AGAP1: variants seen among roughly 807,000 people sequenced by gnomAD.
The protein encoded by AGAP1 is ArfGAP with GTPase domain, ankyrin repeat and PH domain 1, also known as arf-GAP with GTPase, ANK repeat and PH domain-containing protein 1.
Under a neutral mutation model 105.3 loss-of-function variants are expected in AGAP1, and 29 were observed. That is an observed-to-expected ratio of 0.28 (90% CI 0.21 to 0.38). The LOEUF (loss-of-function observed/expected upper bound fraction) is 0.38, where lower values mean the gene tolerates loss of function less well. Ranked by LOEUF, AGAP1 falls within the 10% of genes least tolerant of loss-of-function variation. The pLI, the probability that AGAP1 is intolerant of heterozygous loss-of-function variation, is 1.00. For synonymous variants in AGAP1, 509 were observed against 485.9 expected (o/e 1.05, Z -0.63); for missense variants, 998 against 1,165.1 (o/e 0.86, Z 2.09).
chr2:235,890,087 C>T (rs2050461063), intron 10 of AGAP1, among the ~76,000 whole-genome samples: 1 of 151,708 alleles, frequency 6.6e-6, no homozygotes, highest in Admixed American at 6.6e-5. Context: ...CCCTGCACTT[C>T]CATGCTGTGT....
chr2:235,923,780 C>T (rs2052308903), intron 11 of AGAP1, among the ~76,000 whole-genome samples: 1 of 152,144 alleles, frequency 6.6e-6, no homozygotes, highest in Admixed American at 6.5e-5. Flanking sequence ...AGCAGTGCTG[C>T]TCTGAACATT....
chr2:235,794,640 T>G (rs902538368), intron 6 of AGAP1, among the ~76,000 whole-genome samples: 1 of 152,036 alleles, frequency 6.6e-6, no homozygotes, highest in African/African-American at 2.4e-5. Flanking sequence ...TCCGGCTAAT[T>G]TTTGTATTTT....
chr2:236,087,713 A>C lies in AGAP1; in HGVS notation c.2115-32479A>C, dbSNP rs944033021. On this transcript the variant is annotated intron_variant, in intron 16 of 17. Coordinates refer to ENST00000304032, the MANE Select transcript of AGAP1 (RefSeq NM_001037131.3). This position sits in a 1 kb window ranked among gnomAD's most constrained non-coding sequence, Gnocchi z 5.7. The stretch of plus-strand genomic sequence containing the variant: ...GCCATGTAAGTGGCCTTATTGGTTA[A>C]GTGACAACCGGGGACATACCCATTT... 6.6e-6 allele frequency among the ~76,000 whole-genome samples: 1 copy of C among 152,218 alleles called. No individual in the cohort carries two copies. Among genetic ancestry groups the C allele is most frequent in the Non-Finnish European group, 1.5e-5 (1 of 68,032 alleles).
intron 9 of AGAP1, among the ~76,000 whole-genome samples, chr2:235,852,266 G>A (rs1422444206): frequency 1.3e-5 from 2 of 152,234 alleles, no homozygotes; most frequent in Non-Finnish European, 2.9e-5. Context: ...ATGCAGCAGA[G>A]ACAAGCGAGG....
intron 10 of AGAP1, among the ~76,000 whole-genome samples, chr2:235,892,203 A>G (rs906008550): frequency 4.0e-5 from 6 of 151,768 alleles, no homozygotes; most frequent in African/African-American, 1.5e-4. Context: ...GCATGTGCCC[A>G]CATTAAAACA....
chr2:235,699,950 A>G (rs6748004), intron 1 of AGAP1, among the ~76,000 whole-genome samples: 26,176 of 152,048 alleles, frequency 0.17, 2,721 homozygotes, highest in Admixed American at 0.32. Flanking sequence ...GTGTTGGGGG[A>G]ACGGCCTGTT....
chr2:235,545,691 G>T (rs1273675210), intron 1 of AGAP1, among the ~76,000 whole-genome samples: 1 of 152,032 alleles, frequency 6.6e-6, no homozygotes, highest in Non-Finnish European at 1.5e-5. Context: ...GTGCTCCCCC[G>T]GATTACTTGG....
chr2:235,835,153 G>A (rs182836602), intron 9 of AGAP1, among the ~76,000 whole-genome samples: 5 of 152,290 alleles, frequency 3.3e-5, no homozygotes, highest in South Asian at 2.1e-4. Flanking sequence ...CCGGGCATGC[G>A]TTTCCCACGC....
chr2:235,862,518 G>T lies in AGAP1; in HGVS notation c.1051-20827G>T, dbSNP rs546109897. Among the ~76,000 whole-genome samples, 212 of 152,344 alleles carry T rather than the reference G, an allele frequency of 1.4e-3. 2 individuals are homozygous for T. Among genetic ancestry groups the T allele is most frequent in the African/African-American group, 4.8e-3 (199 of 41,596 alleles). ...GGAGTGCTGTGTTGAGAAGGCTTCGGAGGCTCAGGTGTTGCAGATGCCATC... is the reference window on the plus strand; with the variant it reads ...GGAGTGCTGTGTTGAGAAGGCTTCGTAGGCTCAGGTGTTGCAGATGCCATC... On this transcript the variant is annotated intron_variant, in intron 9 of 17. Transcript: ENST00000304032.
chr2:236,038,223 A>G lies in AGAP1; in HGVS notation c.1800+1508A>G, dbSNP rs150009130. Among the ~76,000 whole-genome samples, 214 of 152,268 alleles carry G rather than the reference A, an allele frequency of 1.4e-3. 1 individual carries two copies. Among genetic ancestry groups the G allele is most frequent in the Middle Eastern group, 0.01 (3 of 294 alleles). On this transcript the variant is annotated intron_variant, in intron 14 of 17. Transcript: ENST00000304032. This position sits in a 1 kb window ranked among gnomAD's most constrained non-coding sequence, Gnocchi z 4.5. ...CACAGGGTGCTTTGGGGCCACCTCA[A>G]TGGGAAGCAACAGCACACAGCATCC... is the stretch of plus-strand genomic sequence containing the variant.
intron 2 of AGAP1, among the ~76,000 whole-genome samples, chr2:235,711,343 G>C (rs932821199): frequency 1.3e-5 from 2 of 152,228 alleles, no homozygotes; most frequent in Non-Finnish European, 2.9e-5. Flanking sequence ...AGGTGTTACA[G>C]GTTCAGAGAG....
chr2:236,006,628 G>A (rs998146250), intron 13 of AGAP1, among the ~76,000 whole-genome samples: 1 of 152,272 alleles, frequency 6.6e-6, no homozygotes, highest in African/African-American at 2.4e-5. Flanking sequence ...TGTTATAAGG[G>A]ACAGGTTGGA....
chr2:235,976,912 G>A lies in AGAP1; in HGVS notation c.1645+8289G>A, dbSNP rs2054884014. Among the ~76,000 whole-genome samples the A allele has an allele frequency of 6.6e-6, 1 of 152,186 alleles. No individual in the cohort carries two copies. The highest frequency in any genetic ancestry group is 6.5e-5 in the Admixed American group (1 of 15,290). On this transcript the variant is annotated intron_variant, in intron 13 of 17. Transcript: ENST00000304032. The surrounding 1 kb of genome is among the most constrained non-coding windows in gnomAD (Gnocchi z 4.5). ...GTAAAGAGGTGGCTTGGAGCTCCTGGGGGTACCTAGGCAACTCCTGACGCC... is the reference window on the plus strand; with the variant it reads ...GTAAAGAGGTGGCTTGGAGCTCCTGAGGGTACCTAGGCAACTCCTGACGCC...
intron 13 of AGAP1, among the ~76,000 whole-genome samples, chr2:236,018,565 C>T (rs1441878525): frequency 6.6e-6 from 1 of 152,186 alleles, no homozygotes; most frequent in African/African-American, 2.4e-5. Flanking sequence ...CATTTAAGCT[C>T]TCTGTTTTTG....
rs952782672 is a variant in AGAP1, at chr2:236,036,783, C to T, written c.1800+68C>T. 4 of 1,582,450 alleles carry T rather than the reference C, an allele frequency of 2.5e-6. No homozygotes were observed. The highest frequency in any genetic ancestry group is 2.6e-6 in the Non-Finnish European group (3 of 1,168,420). On this transcript the variant is annotated intron_variant, in intron 14 of 17. Coordinates refer to ENST00000304032, the MANE Select transcript of AGAP1 (RefSeq NM_001037131.3). The surrounding 1 kb of genome is among the most constrained non-coding windows in gnomAD (Gnocchi z 5.7). ...GGGGGAGTGCGGGCCCCAAGTAATG[C>T]CCCAGGGAGGAGAAAATAGAGGACC...
chr2:235,930,672 T>A lies in AGAP1; in HGVS notation c.1325-93T>A. 7.7e-7 allele frequency: 1 copy of A among 1,298,334 alleles called. No homozygotes were observed. The highest frequency in any genetic ancestry group is 1.0e-6 in the Non-Finnish European group (1 of 953,470). 80.4% of individuals were successfully genotyped at this position (1,298,334 alleles called of 1,614,324 possible). On this transcript the variant is annotated intron_variant, in intron 11 of 17. Coordinates refer to ENST00000304032, the MANE Select transcript of AGAP1 (RefSeq NM_001037131.3). The surrounding 1 kb of genome is among the most constrained non-coding windows in gnomAD (Gnocchi z 7.9). ...GGCTGCTCTCGGTGGTAAGGTGCAC[T>A]ATGTGCCAGCGTGTGGGTCCCATAG...
chr2:235,741,934 T>C lies in AGAP1; in HGVS notation c.396+886T>C, dbSNP rs933458520. Among the ~76,000 whole-genome samples, 3 of 151,884 alleles carry C rather than the reference T, an allele frequency of 2.0e-5. No individual in the cohort carries two copies. Among genetic ancestry groups the C allele is most frequent in the African/African-American group, 7.3e-5 (3 of 41,332 alleles). The stretch of plus-strand genomic sequence containing the variant: ...ACGCCTGGCTAATTTTTTGTATTTT[T>C]AGTAGAGATGGAGTTTCACCATGTT... On this transcript the variant is annotated intron_variant, in intron 4 of 17. Coordinates refer to ENST00000304032, the MANE Select transcript of AGAP1 (RefSeq NM_001037131.3). This position sits in a 1 kb window ranked among gnomAD's most constrained non-coding sequence, Gnocchi z 4.9.
rs1950981382 is a variant in AGAP1, at chr2:235,714,163, A to G, written c.223-3394A>G. Among the ~76,000 whole-genome samples the G allele has an allele frequency of 6.6e-6, 1 of 151,770 alleles. No individual in the cohort carries two copies. The highest frequency in any genetic ancestry group is 2.1e-4 in the South Asian group (1 of 4,794). ...TGAGTAGCTGGGATTACAGGCATGC[A>G]CCACCACAGCTGGCTAATTTTTATA... On this transcript the variant is annotated intron_variant, in intron 2 of 17. Coordinates refer to ENST00000304032, the MANE Select transcript of AGAP1 (RefSeq NM_001037131.3). The surrounding 1 kb of genome is among the most constrained non-coding windows in gnomAD (Gnocchi z 4.1).
In AGAP1 at chr2:236,001,916, A is replaced by G. The variant is rs750913088; in HGVS notation, c.1645+33293A>G. On this transcript the variant is annotated intron_variant, in intron 13 of 17. Coordinates refer to ENST00000304032, the MANE Select transcript of AGAP1 (RefSeq NM_001037131.3). This position sits in a 1 kb window ranked among gnomAD's most constrained non-coding sequence, Gnocchi z 4.7. ...TACCAGTAATACTTCCCTGAACATC[A>G]TTGCACATACATTCTGAAGCGCTCA... 1.3e-5 allele frequency among the ~76,000 whole-genome samples: 2 copies of G among 152,056 alleles called. No individual in the cohort carries two copies. The highest frequency in any genetic ancestry group is 2.9e-5 in the Non-Finnish European group (2 of 68,012).
Sources: gnomAD v4.1 joint callset for allele counts (sites outside exome capture counted in the v4.1 genomes callset) on GRCh38, gnomAD v4.1.1 for gene constraint, Gnocchi (gnomAD v3.1) non-coding constraint, MANE v1.5 for transcripts, NCBI Gene and HGNC (gene_info 2026-07-23, HGNC 2026-07-21) for gene names.